Variants in MBOAT2 observed in about 807,000 individuals in gnomAD.
The protein encoded by MBOAT2 is membrane bound glycerophospholipid O-acyltransferase 2.
In MBOAT2, 28 loss-of-function variants were observed where a neutral mutation model predicts 63.4. The ratio of observed to expected loss-of-function variants is 0.44; its 90% confidence interval spans 0.33 to 0.61. The LOEUF (loss-of-function observed/expected upper bound fraction) is 0.61. MBOAT2 is among the 20% of genes least tolerant of loss of function. The pLI, the probability that MBOAT2 is intolerant of heterozygous loss-of-function variation, is 0.03. For missense variants in MBOAT2, 470 were observed against 605.8 expected, an observed-to-expected ratio of 0.78 and a Z score of 2.35; for synonymous variants, 211 against 215.6, an observed-to-expected ratio of 0.98 and a Z score of 0.19.
rs1558540659 is a variant in MBOAT2, at chr2:8,858,572, TC to T, written c.*106del. On this transcript the variant is annotated 3_prime_UTR_variant, in exon 13 of 13. Coordinates refer to ENST00000305997, the MANE Select transcript of MBOAT2 (RefSeq NM_138799.4). Reference sequence around the variant, plus strand: ...AATTCCTTATCTATAACTGTCCATTTCCCCCCAGTTAACTGCTTTTCCAACA... The same window carrying T: ...AATTCCTTATCTATAACTGTCCATTTCCCCCAGTTAACTGCTTTTCCAACA... The T allele has an allele frequency of 1.3e-6, 1 of 777,470 alleles. No homozygotes were observed. The highest frequency in any genetic ancestry group is 2.1e-6 in the Non-Finnish European group (1 of 486,352). The allele number at this position is 777,470 out of a possible 1,614,324, so 48.2% of individuals were successfully genotyped here. A position where few individuals can be genotyped will look rare whatever the true frequency, so the allele number is the denominator to read the frequency against.
At chr2:8,929,096 T>C (rs975525192) in intron 3 of MBOAT2, among the ~76,000 whole-genome samples, 1 of 152,096 alleles carries the variant, frequency 6.6e-6, no homozygotes, top group Non-Finnish European at 1.5e-5. Context: ...GACACAAAAA[T>C]AGATCTCTAA....
intron 4 of MBOAT2, among the ~76,000 whole-genome samples, chr2:8,902,634 C>T (rs773603012): frequency 1.3e-5 from 2 of 152,122 alleles, no homozygotes; most frequent in African/African-American, 2.4e-5. Flanking sequence ...AGGAGTGAAG[C>T]TGTAGACCTT....
At chr2:8,976,880 C>T (rs1365423342) in intron 1 of MBOAT2, among the ~76,000 whole-genome samples, 2 of 152,092 alleles carry the variant, frequency 1.3e-5, no homozygotes, top group African/African-American at 4.8e-5. Flanking sequence ...TTGACACAGA[C>T]AACAGCATGG....
At chr2:8,913,674 G>C (rs538526006) in intron 3 of MBOAT2, among the ~76,000 whole-genome samples, 2 of 152,176 alleles carry the variant, frequency 1.3e-5, no homozygotes, top group East Asian at 3.9e-4. Flanking sequence ...AAAAACAGTA[G>C]ATACTGGTGT....
intron 3 of MBOAT2, among the ~76,000 whole-genome samples, chr2:8,913,480 GA>G (rs564403901): frequency 2.0e-5 from 3 of 150,390 alleles, no homozygotes; most frequent in South Asian, 2.1e-4. Context: ...CAATCAGTAA[GA>G]AAAAAAACAA....
rs745694357 is a variant in MBOAT2, at chr2:8,936,786, C to CAA, written c.299+6399_299+6400dup. On this transcript the variant is annotated intron_variant, in intron 3 of 12. Coordinates refer to ENST00000305997, the MANE Select transcript of MBOAT2 (RefSeq NM_138799.4). Reference sequence around the variant, plus strand: ...TGAGCTACAGAGGGAGACTCCGTCTCAAAAAAAAAAAAAAAAAAAGAAAAG... The same window carrying CAA: ...TGAGCTACAGAGGGAGACTCCGTCTCAAAAAAAAAAAAAAAAAAAAAGAAAAG... Among the ~76,000 whole-genome samples the CAA allele has an allele frequency of 3.2e-3, 181 of 56,252 alleles. 3 individuals are homozygous for CAA. Among genetic ancestry groups the CAA allele is most frequent in the Non-Finnish European group, 4.2e-3 (122 of 28,818 alleles). The allele number at this position is 56,252 out of a possible 152,430, so 36.9% of individuals were successfully genotyped here.
At chr2:8,860,359 G>A (rs1461895239) in intron 12 of MBOAT2, among the ~76,000 whole-genome samples, 2 of 151,968 alleles carry the variant, frequency 1.3e-5, no homozygotes, top group Non-Finnish European at 2.9e-5. Context: ...GTTAAATTTA[G>A]GAGAGGTTTG....
chr2:8,885,901 C>T (rs1271725938), intron 5 of MBOAT2, among the ~76,000 whole-genome samples: 1 of 152,180 alleles, frequency 6.6e-6, no homozygotes, highest in African/African-American at 2.4e-5. Flanking sequence ...TGTGCAGAAA[C>T]AAGTTAACAT....
At chr2:8,879,626 C>A (rs1662958097) in intron 6 of MBOAT2, among the ~76,000 whole-genome samples, 1 of 152,096 alleles carries the variant, frequency 6.6e-6, no homozygotes, top group Non-Finnish European at 1.5e-5. Flanking sequence ...GTCCCCTGTG[C>A]AGTGCAGGGT....
chr2:8,914,832 G>A (rs1467553428), intron 3 of MBOAT2, among the ~76,000 whole-genome samples: 3 of 149,110 alleles, frequency 2.0e-5, no homozygotes, highest in Non-Finnish European at 4.5e-5. Context: ...CACTTGAAAT[G>A]ATATTATTTT....
chr2:8,964,162 C>T (rs2103290648), intron 1 of MBOAT2, among the ~76,000 whole-genome samples: 1 of 152,334 alleles, frequency 6.6e-6, no homozygotes, highest in South Asian at 2.1e-4. Context: ...GGCCCTATTC[C>T]TTCCACCCCT....
At chr2:8,987,632 T>C (rs1394912737) in intron 1 of MBOAT2, among the ~76,000 whole-genome samples, 3 of 152,164 alleles carry the variant, frequency 2.0e-5, no homozygotes, top group Admixed American at 6.5e-5. Flanking sequence ...ACTGGAATTA[T>C]CTAAAGGCTT....
At chr2:8,878,654 T>C (rs1356699071) in intron 6 of MBOAT2, among the ~76,000 whole-genome samples, 1 of 152,246 alleles carries the variant, frequency 6.6e-6, no homozygotes. Context: ...GCTTAGCATA[T>C]ATTATTTTTC....
At chr2:8,943,473 G>A (rs1283875051) in intron 2 of MBOAT2, among the ~76,000 whole-genome samples, 1 of 152,162 alleles carries the variant, frequency 6.6e-6, no homozygotes, top group African/African-American at 2.4e-5. Flanking sequence ...GAAAAAACAA[G>A]GCCTAAAGCC....
chr2:8,858,704 G>A lies in MBOAT2; in HGVS notation c.1538C>T (p.Ser513Leu), dbSNP rs574002894. Residue 513 changes from serine to leucine, a missense_variant, in exon 13 of 13, where the codon TCG (serine) becomes TTG (leucine). By Grantham distance (145) the Ser-to-Leu change is moderately radical. Transcript: ENST00000305997. ...NVCNQNQEIASRHSSLKQ is the reference protein window; with the variant it reads ...NVCNQNQEIALRHSSLKQ The stretch of plus-strand genomic sequence containing the variant: ...TCACTGCTTTAGTGATGAATGTCTC[G>A]AGGCTATTTCTTGATTCTGATTGCA... 49 of 1,612,050 alleles carry A rather than the reference G, an allele frequency of 3.0e-5. No homozygotes were observed. Among genetic ancestry groups the A allele is most frequent in the Admixed American group, 6.7e-5 (4 of 59,872 alleles).
intron 3 of MBOAT2, among the ~76,000 whole-genome samples, chr2:8,909,461 A>G (rs1338693790): frequency 6.6e-6 from 1 of 152,244 alleles, no homozygotes; most frequent in Admixed American, 6.5e-5. Flanking sequence ...AATTATATGT[A>G]AAATATACAA....
chr2:8,941,522 G>A (rs1668048216), intron 3 of MBOAT2, among the ~76,000 whole-genome samples: 1 of 152,128 alleles, frequency 6.6e-6, no homozygotes, highest in Non-Finnish European at 1.5e-5. Flanking sequence ...CTAGTGTACA[G>A]GCGTGGTGGT....
At chr2:8,971,526 G>T (rs1393191053) in intron 1 of MBOAT2, among the ~76,000 whole-genome samples, 1 of 152,160 alleles carries the variant, frequency 6.6e-6, no homozygotes, top group Non-Finnish European at 1.5e-5. Context: ...GGGCAATCAG[G>T]CAGGAGAAAG....
intron 5 of MBOAT2, among the ~76,000 whole-genome samples, chr2:8,884,881 A>T (rs1242329690): frequency 3.9e-5 from 6 of 152,250 alleles, no homozygotes; most frequent in Non-Finnish European, 5.9e-5. Context: ...GAATCAACAA[A>T]AACCAATTAA....
Sources: allele counts gnomAD v4.1 joint callset (sites outside exome capture counted in the v4.1 genomes callset), GRCh38; gene constraint gnomAD v4.1.1; transcripts MANE v1.5; gene names NCBI Gene and HGNC (gene_info 2026-07-23, HGNC 2026-07-21).